Variants in BAG4 observed in about 807,000 individuals in gnomAD.
BAG4 encodes BAG cochaperone 4, also known as BAG family molecular chaperone regulator 4.
In BAG4, 28 loss-of-function variants were observed where a neutral mutation model predicts 52.1. The observed-to-expected ratio is 0.54, with a 90% CI of 0.40 to 0.74. The LOEUF (loss-of-function observed/expected upper bound fraction) is 0.74, where lower values mean the gene tolerates loss of function less well. Among genes scored for constraint, BAG4 ranks in the 30% least tolerant of loss-of-function variants. The pLI is 0.00. For synonymous variants in BAG4, 208 were observed against 217.0 expected (o/e 0.96, Z 0.37); for missense variants, 525 against 572.0 (o/e 0.92, Z 0.84).
chr8:38,206,672 C>T (rs1803772972), intron 2 of BAG4, among the ~76,000 whole-genome samples: 1 of 152,202 alleles, frequency 6.6e-6, no homozygotes, highest in Admixed American at 6.5e-5. Flanking sequence ...CTCAAAGATA[C>T]GTTTATGATC....
intron 1 of BAG4, among the ~76,000 whole-genome samples, chr8:38,182,012 A>T (rs1278890300): frequency 6.6e-6 from 1 of 151,544 alleles, no homozygotes; most frequent in Non-Finnish European, 1.5e-5. Context: ...ATTGACAGCT[A>T]TTGGTCTCCT....
At position 38,191,851 on chromosome 8, in the gene BAG4, T is replaced by C. The variant is rs1034549147; in HGVS notation, c.271-837T>C. ...TAAATGTATGTAATAAACCAGATAA[T>C]AGGTGCTCTGAGAAGTTTTGAGTAT... On this transcript the variant is annotated intron_variant, in intron 1 of 4. Transcript: ENST00000287322. Among the ~76,000 whole-genome samples the C allele has an allele frequency of 2.0e-5, 3 of 147,096 alleles. No homozygotes were observed. The East Asian group carries it at 6.1e-4, about 30-fold the overall frequency.
rs1386317536 is a variant in BAG4 at position 38,212,181 on chromosome 8, A to G, written c.*1688A>G. ...GCTTTTCTATGAAAATTAGAAATTT[A>G]TACTTGAAATTAAAAGTCTAGAAGG... On this transcript the variant is annotated 3_prime_UTR_variant, in exon 5 of 5. Coordinates refer to ENST00000287322, the MANE Select transcript of BAG4 (RefSeq NM_004874.4). 1 of 152,174 alleles carries G rather than the reference A, an allele frequency of 6.6e-6. No homozygotes were observed. Among genetic ancestry groups the G allele is most frequent in the East Asian group, 1.9e-4 (1 of 5,200 alleles). The allele number at this position is 152,174 out of a possible 1,614,324, so 9.4% of individuals were successfully genotyped here.
chr8:38,194,590 A>G (rs1404151233), intron 2 of BAG4, among the ~76,000 whole-genome samples: 1 of 148,194 alleles, frequency 6.7e-6, no homozygotes, highest in Non-Finnish European at 1.5e-5. Flanking sequence ...TAATTTTTGT[A>G]TTTTTAATAG....
intron 2 of BAG4, among the ~76,000 whole-genome samples, chr8:38,196,393 C>T (rs929882158): frequency 1.3e-5 from 2 of 152,192 alleles, no homozygotes; most frequent in African/African-American, 4.8e-5. Context: ...GTGGCTCACG[C>T]CTGTAATCCC....
chr8:38,204,708 A>C (rs1310446403), intron 2 of BAG4, among the ~76,000 whole-genome samples: 2 of 152,008 alleles, frequency 1.3e-5, no homozygotes, highest in Non-Finnish European at 2.9e-5. Context: ...TAAACAACAA[A>C]AGCCACATAA....
At chr8:38,178,565 G>A (rs1244947400) in intron 1 of BAG4, among the ~76,000 whole-genome samples, 2 of 152,232 alleles carry the variant, frequency 1.3e-5, no homozygotes, top group Non-Finnish European at 2.9e-5. Context: ...AACGACTGAT[G>A]CATCGATAAA....
intron 1 of BAG4, among the ~76,000 whole-genome samples, chr8:38,186,683 C>G (rs1326455631): frequency 1.3e-5 from 2 of 152,130 alleles, no homozygotes; most frequent in Non-Finnish European, 2.9e-5. Flanking sequence ...CAAATTTGAT[C>G]TACTCAGTCT....
intron 1 of BAG4, among the ~76,000 whole-genome samples, chr8:38,184,334 G>T (rs1172601378): frequency 6.6e-6 from 1 of 152,032 alleles, no homozygotes; most frequent in African/African-American, 2.4e-5. Flanking sequence ...AAATGTGGTG[G>T]TGGGCCCCTG....
intron 2 of BAG4, among the ~76,000 whole-genome samples, chr8:38,197,038 C>T (rs914375541): frequency 7.9e-5 from 12 of 152,160 alleles, no homozygotes; most frequent in East Asian, 5.8e-4. Flanking sequence ...GATGAGATCA[C>T]GCCATTGCAC....
Position 38,190,977 on chromosome 8 carries a change from C to T in BAG4, c.271-1711C>T, listed in dbSNP as rs188914374. ...TTCACCGTGTTGGCCAGGCTGGTCT[C>T]GAACTCCTGACCTCAGGTGATCCAC... On this transcript the variant is annotated intron_variant, in intron 1 of 4. Coordinates refer to ENST00000287322, the MANE Select transcript of BAG4 (RefSeq NM_004874.4). 8.5e-5 allele frequency among the ~76,000 whole-genome samples: 13 copies of T among 152,188 alleles called. No homozygotes were observed. In the East Asian group the frequency reaches 2.1e-3, roughly 25 times the overall value.
At chr8:38,188,920 A>G (rs930002100) in intron 1 of BAG4, among the ~76,000 whole-genome samples, 1 of 150,174 alleles carries the variant, frequency 6.7e-6, no homozygotes, top group African/African-American at 2.5e-5. Context: ...CAACCTCCCA[A>G]GTAGCTAGGA....
Position 38,176,879 on chromosome 8 carries a change from C to G in BAG4, c.10C>G (p.Leu4Val), listed in dbSNP as rs1350773113. 4 of 1,538,670 alleles carry G rather than the reference C, an allele frequency of 2.6e-6. No individual in the cohort carries two copies. Among genetic ancestry groups the G allele is most frequent in the Non-Finnish European group, 3.5e-6 (4 of 1,141,010 alleles). The stretch of plus-strand genomic sequence containing the variant: ...CAGGGCAGCGGATCCCATGTCGGCC[C>G]TGAGGCGCTCGGGCTACGGCCCCAG... MSA[L>V]RRSGYGPSDG... The change falls in exon 1 of 5, where the codon CTG becomes GTG. Residue 4 changes from leucine (L) to valine (V), a missense_variant. By Grantham distance (32) the Leu-to-Val change is conservative. Coordinates refer to ENST00000287322, the MANE Select transcript of BAG4 (RefSeq NM_004874.4).
intron 1 of BAG4, among the ~76,000 whole-genome samples, chr8:38,182,905 T>G (rs1015842062): frequency 2.0e-5 from 3 of 152,098 alleles, no homozygotes; most frequent in African/African-American, 7.2e-5. Context: ...ATTAAAAAAA[T>G]TATGGCATAA....
In BAG4 at chr8:38,200,604, C is replaced by CT. The variant is rs1273079032; in HGVS notation, c.379-6897dup. On this transcript the variant is annotated intron_variant, in intron 2 of 4. Transcript: ENST00000287322. The stretch of plus-strand genomic sequence containing the variant: ...AAGGCAGCTGAGATTTTCTTTTTTT[C>CT]TTTTTTTTTTTGAGCTGGAGTTTTG... Among the ~76,000 whole-genome samples the CT allele has an allele frequency of 8.8e-3, 1,281 of 144,860 alleles. 19 individuals carry two copies. Among genetic ancestry groups the CT allele is most frequent in the African/African-American group, 0.029 (1,158 of 39,726 alleles).
chr8:38,207,015 C>T (rs1419961536), intron 2 of BAG4, among the ~76,000 whole-genome samples: 1 of 149,290 alleles, frequency 6.7e-6, no homozygotes, highest in African/African-American at 2.5e-5. Flanking sequence ...TGCGATGGCA[C>T]GATCTTGGCT....
chr8:38,185,826 G>A (rs887221277), intron 1 of BAG4, among the ~76,000 whole-genome samples: 23 of 152,206 alleles, frequency 1.5e-4, no homozygotes, highest in African/African-American at 5.3e-4. Flanking sequence ...GCCTCCCAGA[G>A]TTCTGGGATT....
Position 38,188,579 on chromosome 8 carries a change from G to A in BAG4, c.271-4109G>A, listed in dbSNP as rs139846308. Among the ~76,000 whole-genome samples, 344 of 148,908 alleles carry A rather than the reference G, an allele frequency of 2.3e-3. 13 individuals carry two copies. The East Asian group carries it at 0.062, about 27-fold the overall frequency. The stretch of plus-strand genomic sequence containing the variant: ...TGCACATATAAATACATATATATAC[G>A]TGTATACACATATATATATGCATGT... On this transcript the variant is annotated intron_variant, in intron 1 of 4. Coordinates refer to ENST00000287322, the MANE Select transcript of BAG4 (RefSeq NM_004874.4).
chr8:38,197,685 T>A (rs1392649767), intron 2 of BAG4, among the ~76,000 whole-genome samples: 1 of 152,212 alleles, frequency 6.6e-6, no homozygotes, highest in African/African-American at 2.4e-5. Flanking sequence ...TTTTTTACTT[T>A]ATAAACTTTA....
Sources: allele counts gnomAD v4.1 joint callset (sites outside exome capture counted in the v4.1 genomes callset), GRCh38; gene constraint gnomAD v4.1.1; transcripts MANE v1.5; gene names NCBI Gene and HGNC (gene_info 2026-07-23, HGNC 2026-07-21).